KDM5B: variants seen among roughly 807,000 people sequenced by gnomAD.
KDM5B encodes lysine-specific demethylase 5B.
Under a neutral mutation model 193.4 loss-of-function variants are expected in KDM5B, and 144 were observed. The ratio of observed to expected loss-of-function variants is 0.74; its 90% CI spans 0.65 to 0.86. KDM5B has a LOEUF of 0.86. KDM5B is among the 40% of genes least tolerant of loss of function. The pLI is 0.00. For missense variants in KDM5B, 1,833 were observed against 1,886.9 expected (o/e 0.97, Z 0.53); for synonymous variants, 668 against 682.6 (o/e 0.98, Z 0.33).
chr1:202,805,998 T>C (rs1245344164), intron 1 of KDM5B, among the ~76,000 whole-genome samples: 2 of 152,216 alleles, frequency 1.3e-5, no homozygotes, highest in African/African-American at 2.4e-5. Context: ...CTGTACTATG[T>C]AGCACTCTCA....
At chr1:202,757,235 C>T (rs1656058855) in intron 9 of KDM5B, among the ~76,000 whole-genome samples, 1 of 152,168 alleles carries the variant, frequency 6.6e-6, no homozygotes, top group Non-Finnish European at 1.5e-5. Context: ...GTAATGTTTG[C>T]CCACTGATCA....
chr1:202,799,222 G>A (rs550937437), intron 1 of KDM5B, among the ~76,000 whole-genome samples: 13 of 152,310 alleles, frequency 8.5e-5, no homozygotes, highest in Non-Finnish European at 1.5e-4. Context: ...TAGAGCAGAT[G>A]ACAAGCATAC....
rs1215192828 is a variant in KDM5B at position 202,733,623 on chromosome 1, T to A, written c.3687A>T (p.Leu1229Phe). Residue 1229 changes from leucine (L) to phenylalanine (F), a missense_variant, in exon 23 of 27, where the codon TTA becomes TTT. Around this residue, in one of 3 missense-constraint regions of KDM5B, gnomAD observed 1,379 missense variants for 1,349.6 expected, o/e 1.02. Transcript: ENST00000367265. ...PHCRRSEKPPLEKILPLLASL... is the reference protein window; with the variant it reads ...PHCRRSEKPPFEKILPLLASL... Reference sequence around the variant, plus strand: ...AGGCGAGCAGGGGCAGAATTTTCTCTAATGGAGGTTTCTCTGACCTCCGAC... The same window carrying A: ...AGGCGAGCAGGGGCAGAATTTTCTCAAATGGAGGTTTCTCTGACCTCCGAC... The A allele has an allele frequency of 1.9e-6, 3 of 1,614,036 alleles. No homozygotes were observed. The Admixed American group carries it at 5.0e-5, about 27-fold the overall frequency.
At chr1:202,754,093 G>A (rs1248069706) in intron 11 of KDM5B, among the ~76,000 whole-genome samples, 1 of 152,228 alleles carries the variant, frequency 6.6e-6, no homozygotes, top group African/African-American at 2.4e-5. Context: ...CATTCTGGCA[G>A]ACGAAGTTAA....
At position 202,729,739 on chromosome 1, in the gene KDM5B, C is replaced by T; in HGVS notation, c.4465G>A (p.Ala1489Thr). 6.2e-7 allele frequency: 1 copy of T among 1,614,010 alleles called. No individual in the cohort carries two copies. The highest frequency in any genetic ancestry group is 8.5e-7 in the Non-Finnish European group (1 of 1,179,928). The change falls in exon 26 of 27, where the codon GCT (alanine) becomes ACT (threonine). Residue 1489 changes from alanine to threonine, a missense_variant. Ala to Thr is a moderately conservative substitution (Grantham distance 58). This residue lies in a region of KDM5B where 1,379 missense variants were observed against 1,349.6 expected (regional missense o/e 1.02). Coordinates refer to ENST00000367265, the MANE Select transcript of KDM5B (RefSeq NM_006618.5). ...DSEDEDAICP[A>T]VSCLQPEGDE... ...CCTTCTGGCTGCAGGCAGCTCACAG[C>T]TGGGCAGATGGCATCTTCATCCTCA...
chr1:202,744,950 C>A (rs1558487790), intron 16 of KDM5B, among the ~76,000 whole-genome samples: 1 of 152,108 alleles, frequency 6.6e-6, no homozygotes, highest in African/African-American at 2.4e-5. Context: ...ACATATACAC[C>A]ATGGAATACT....
At chr1:202,795,137 C>T (rs1160401402) in intron 1 of KDM5B, among the ~76,000 whole-genome samples, 1 of 151,894 alleles carries the variant, frequency 6.6e-6, no homozygotes, top group Non-Finnish European at 1.5e-5. Flanking sequence ...TCGCTTGAGC[C>T]CAGGAGGCAG....
chr1:202,759,847 T>A (rs61822781), intron 8 of KDM5B, among the ~76,000 whole-genome samples: 2 of 152,208 alleles, frequency 1.3e-5, no homozygotes, highest in Non-Finnish European at 2.9e-5. Context: ...GCAAAGAGCA[T>A]GTGATGCTTT....
intron 1 of KDM5B, among the ~76,000 whole-genome samples, chr1:202,787,924 TG>T (rs1657478261): frequency 1.3e-5 from 2 of 151,670 alleles, no homozygotes; most frequent in Non-Finnish European, 2.9e-5. Flanking sequence ...GAAGTAAATC[TG>T]GCCTCTCACA....
chr1:202,733,809 C>CA lies in KDM5B; in HGVS notation c.3500dup (p.Leu1167PhefsTer27). ...TATCCACATCTTGGAGAGGCGACAG[C>CA]AATTTCCCTTCATTGGCGAGTCTGA... On this transcript the variant is annotated frameshift_variant, in exon 23 of 27. Transcript: ENST00000367265. LOFTEE classifies it high-confidence loss of function. 6.2e-7 allele frequency: 1 copy of CA among 1,614,124 alleles called. No homozygotes were observed.
At chr1:202,771,792 G>A (rs1656730526) in intron 4 of KDM5B, among the ~76,000 whole-genome samples, 1 of 151,576 alleles carries the variant, frequency 6.6e-6, no homozygotes, top group Non-Finnish European at 1.5e-5. Context: ...ATGTTGGCCA[G>A]GATGGTCTCC....
intron 1 of KDM5B, among the ~76,000 whole-genome samples, chr1:202,783,511 AC>A (rs1034792853): frequency 6.6e-6 from 1 of 152,144 alleles, no homozygotes; most frequent in African/African-American, 2.4e-5. Context: ...TCAAAAAAAA[AC>A]AAAAACAAAC....
In KDM5B at chr1:202,735,584, G is replaced by GC. The variant is rs1655061447; in HGVS notation, c.3267dup (p.Leu1090AlafsTer6). On this transcript the variant is annotated frameshift_variant, in exon 22 of 27. Coordinates refer to ENST00000367265, the MANE Select transcript of KDM5B (RefSeq NM_006618.5). LOFTEE classifies it high-confidence loss of function. ...AGGCCAATATCACATCGAGGACACAGCACCTAATGTGGGACAAGGCACAAC... is the reference window on the plus strand; with the variant it reads ...AGGCCAATATCACATCGAGGACACAGCCACCTAATGTGGGACAAGGCACAAC... 6.2e-7 allele frequency: 1 copy of GC among 1,613,310 alleles called. No individual in the cohort carries two copies. The highest frequency in any genetic ancestry group is 8.5e-7 in the Non-Finnish European group (1 of 1,179,498).
Position 202,741,556 on chromosome 1 carries a change from C to A in KDM5B, c.2756G>T (p.Trp919Leu). 1.2e-6 allele frequency: 2 copies of A among 1,614,226 alleles called. No homozygotes were observed. Among genetic ancestry groups the A allele is most frequent in the Non-Finnish European group, 1.7e-6 (2 of 1,180,048 alleles). Reference sequence around the variant, plus strand: ...GCAAGCTTGCTGCACCTCTTCTAGCCAACGGGCTTGTTCCAAACGGATACG... The same window carrying A: ...GCAAGCTTGCTGCACCTCTTCTAGCAAACGGGCTTGTTCCAAACGGATACG... ...EMRIRLEQAR[W>L]LEEVQQACLD... is the part of the protein sequence containing the mutation. Residue 919 changes from tryptophan to leucine, a missense_variant, in exon 19 of 27, where the codon TGG becomes TTG. Trp to Leu is a moderately conservative substitution (Grantham distance 61). Transcript: ENST00000367265.
chr1:202,729,523 A>C (rs1654795051), intron 26 of KDM5B, 184 bp downstream of exon 26: 1 of 613,766 alleles, frequency 1.6e-6, no homozygotes, highest in Admixed American at 3.0e-5. Flanking sequence ...TTTCTTCAAG[A>C]AAAGGGAGGA....
At chr1:202,800,893 G>T (rs946115070) in intron 1 of KDM5B, among the ~76,000 whole-genome samples, 9 of 152,190 alleles carry the variant, frequency 5.9e-5, no homozygotes, top group Non-Finnish European at 1.0e-4. Flanking sequence ...CAACAAATGT[G>T]TAACAAAGCA....
intron 1 of KDM5B, among the ~76,000 whole-genome samples, chr1:202,799,276 T>C (rs970365071): frequency 6.6e-6 from 1 of 152,164 alleles, no homozygotes; most frequent in African/African-American, 2.4e-5. Flanking sequence ...TGTAACTAGA[T>C]TGAAGACTCT....
At chr1:202,733,132 T>G (rs1654947805) in intron 23 of KDM5B, among the ~76,000 whole-genome samples, 1 of 152,220 alleles carries the variant, frequency 6.6e-6, no homozygotes, top group South Asian at 2.1e-4. Flanking sequence ...AGCATACATA[T>G]AAATGAAAAA....
At chr1:202,730,875 T>A (rs1236507880) in intron 25 of KDM5B, 34 bp downstream of exon 25, 10 of 1,555,612 alleles carry the variant, frequency 6.4e-6, no homozygotes, top group Middle Eastern at 2.0e-4. Context: ...CACCCCAGAC[T>A]GTGCCTTGCC....
Sources: gnomAD v4.1 joint callset for allele counts (sites outside exome capture counted in the v4.1 genomes callset) on GRCh38, gnomAD v4.1.1 for gene constraint, gnomAD v4.1.1 regional missense constraint, MANE v1.5 for transcripts, NCBI Gene and HGNC (gene_info 2026-07-23, HGNC 2026-07-21) for gene names.